The following PCDH11X variants were observed in gnomAD, a reference collection of about 807,000 sequenced individuals.
PCDH11X encodes the protein protocadherin-11 X-linked.
Under a neutral mutation model 53.3 loss-of-function variants are expected in PCDH11X, and 18 were observed. The ratio of observed to expected loss-of-function variants is 0.34; its 90% CI spans 0.23 to 0.50. The LOEUF is 0.50. PCDH11X is among the 20% of genes least tolerant of loss of function. The probability of loss-of-function intolerance (pLI) is 0.98; values close to 1 mark genes in which losing one functional copy is unlikely to be tolerated. For missense variants in PCDH11X, 570 were observed against 1,032.4 expected (o/e 0.55, Z 6.14); for synonymous variants, 279 against 393.3 (o/e 0.71, Z 3.44).
intron 7 of PCDH11X, among the ~76,000 whole-genome samples, chrX:92,213,855 TAAATC>T (rs2066636946): frequency 9.2e-6 from 1 of 109,282 alleles, no homozygotes; most frequent in East Asian, 2.8e-4. Context: ...AACATAATAA[TAAATC>T]AAATGAATAA....
At chrX:92,257,123 C>A (rs2067608753) in intron 7 of PCDH11X, among the ~76,000 whole-genome samples, 1 of 111,333 alleles carries the variant, frequency 9.0e-6, no homozygotes, top group Admixed American at 9.6e-5. Context: ...GGGGGAGCAG[C>A]ACTTCACATG....
chrX:91,813,715 T>C (rs1936362332), intron 4 of PCDH11X, among the ~76,000 whole-genome samples: 1 of 104,627 alleles, frequency 9.6e-6, no homozygotes, highest in African/African-American at 3.5e-5. Flanking sequence ...TAATGAATAC[T>C]TATTTTTCAA....
intron 9 of PCDH11X, among the ~76,000 whole-genome samples, chrX:92,416,951 C>T (rs1300091119): frequency 7.2e-5 from 8 of 110,804 alleles, no homozygotes; most frequent in Non-Finnish European, 1.3e-4. Flanking sequence ...AACATTATCT[C>T]ATAATTATAA....
chrX:92,544,118 A>G (rs1206731698), intron 10 of PCDH11X, among the ~76,000 whole-genome samples: 3 of 109,946 alleles, frequency 2.7e-5, no homozygotes, highest in Non-Finnish European at 5.7e-5. Context: ...TAATTTATAG[A>G]TAATTGGAAT....
chrX:92,020,716 C>G (rs1168803823), intron 6 of PCDH11X, among the ~76,000 whole-genome samples: 1 of 110,708 alleles, frequency 9.0e-6, no homozygotes, highest in African/African-American at 3.3e-5. Context: ...TTAAACGGGT[C>G]CTGCTCCCCA....
intron 9 of PCDH11X, among the ~76,000 whole-genome samples, chrX:92,415,696 A>G (rs2071793886): frequency 9.2e-6 from 1 of 108,986 alleles, no homozygotes; most frequent in African/African-American, 3.5e-5. Flanking sequence ...GAAAAATAAT[A>G]ATTTGTTGTG....
intron 10 of PCDH11X, among the ~76,000 whole-genome samples, chrX:92,480,866 C>T (rs2073488031): frequency 9.0e-6 from 1 of 111,298 alleles, no homozygotes; most frequent in South Asian, 3.8e-4. Flanking sequence ...CTGTGTGGTA[C>T]CTGCATGTTG....
At chrX:92,292,301 A>C (rs760259218) in intron 8 of PCDH11X, among the ~76,000 whole-genome samples, 1 of 112,410 alleles carries the variant, frequency 8.9e-6, no homozygotes, top group East Asian at 2.8e-4. Flanking sequence ...AGAACAGAAC[A>C]TTCATAAATT....
chrX:92,258,581 A>T (rs1444297066), intron 7 of PCDH11X, among the ~76,000 whole-genome samples: 1 of 110,120 alleles, frequency 9.1e-6, no homozygotes, highest in African/African-American at 3.3e-5. Flanking sequence ...GTTAGCCAGG[A>T]TGGTCTCAAT....
chrX:92,269,210 A>T (rs968741263), intron 8 of PCDH11X, among the ~76,000 whole-genome samples: 2 of 111,936 alleles, frequency 1.8e-5, no homozygotes, highest in African/African-American at 6.5e-5. Context: ...TATATTTATC[A>T]TTCTGTCTCA....
chrX:92,413,030 C>G (rs975461583), intron 9 of PCDH11X, among the ~76,000 whole-genome samples: 1 of 90,731 alleles, frequency 1.1e-5, no homozygotes, highest in Non-Finnish European at 2.1e-5. Context: ...AGCACAGAGC[C>G]AAAATTGTGG....
chrX:92,021,578 C>T (rs1289752504), intron 6 of PCDH11X, among the ~76,000 whole-genome samples: 2 of 105,920 alleles, frequency 1.9e-5, no homozygotes, highest in Middle Eastern at 4.3e-3. Context: ...GAGAATGAAA[C>T]CAAGTTAGAA....
At chrX:92,338,526 T>A in intron 8 of PCDH11X, among the ~76,000 whole-genome samples, 1 of 110,054 alleles carries the variant, frequency 9.1e-6, no homozygotes, top group Non-Finnish European at 1.9e-5. Flanking sequence ...CACATAATAC[T>A]GTTTTCTGCC....
chrX:92,324,233 C>T (rs1276921923), intron 8 of PCDH11X, among the ~76,000 whole-genome samples: 1 of 110,182 alleles, frequency 9.1e-6, no homozygotes, highest in Non-Finnish European at 1.9e-5. Flanking sequence ...TTGATGTTTG[C>T]CCTACCCTGT....
intron 7 of PCDH11X, among the ~76,000 whole-genome samples, chrX:92,212,877 A>G (rs868047638): frequency 8.1e-5 from 1 of 12,412 alleles, no homozygotes; most frequent in African/African-American, 2.7e-4. Flanking sequence ...CAACACACTT[A>G]TCTTTTGGCT....
At chrX:91,815,319 A>T (rs1936418108) in intron 4 of PCDH11X, among the ~76,000 whole-genome samples, 1 of 112,171 alleles carries the variant, frequency 8.9e-6, no homozygotes, top group African/African-American at 3.2e-5. Flanking sequence ...CTCAATTTCC[A>T]TATCATATAC....
intron 10 of PCDH11X, among the ~76,000 whole-genome samples, chrX:92,520,947 A>G (rs1381587741): frequency 9.0e-6 from 1 of 111,588 alleles, no homozygotes; most frequent in African/African-American, 3.3e-5. Flanking sequence ...ATTCAGTCAC[A>G]TCTTCAGGCT....
At chrX:92,589,634 G>T (rs991745386) in intron 10 of PCDH11X, among the ~76,000 whole-genome samples, 1 of 111,361 alleles carries the variant, frequency 9.0e-6, no homozygotes, top group African/African-American at 3.3e-5. Flanking sequence ...CATATCATCA[G>T]GGAAAATCAC....
chrX:92,056,755 T>G (rs1426760729), intron 6 of PCDH11X, among the ~76,000 whole-genome samples: 4 of 111,471 alleles, frequency 3.6e-5, no homozygotes, highest in Non-Finnish European at 7.5e-5. Flanking sequence ...CTTTTAAAAT[T>G]TACATCTTAT....
Sources: allele counts gnomAD v4.1 joint callset (sites outside exome capture counted in the v4.1 genomes callset), GRCh38; gene constraint gnomAD v4.1.1; transcripts MANE v1.5; gene names NCBI Gene and HGNC (gene_info 2026-07-23, HGNC 2026-07-21).